The following CDKL3 variants were observed in gnomAD, a reference collection of about 807,000 sequenced individuals.
CDKL3 encodes the protein cyclin-dependent kinase-like 3.
In CDKL3, 65 loss-of-function variants were observed where a neutral mutation model predicts 69.3. The observed-to-expected ratio is 0.94, with a 90% confidence interval of 0.77 to 1.15. The LOEUF (loss-of-function observed/expected upper bound fraction) is 1.15, where lower values mean the gene tolerates loss of function less well. CDKL3 is among the 50% of genes most tolerant of loss of function. The pLI is 0.00. For missense variants in CDKL3, 652 were observed against 689.2 expected, an observed-to-expected ratio of 0.95 and a Z score of 0.61; for synonymous variants, 202 against 221.6, an observed-to-expected ratio of 0.91 and a Z score of 0.79.
In CDKL3 at chr5:134,305,555, G is replaced by A. The variant is rs1367807740; in HGVS notation, c.1459-988C>T. ...TTGTAAACACTGGGAAAACCCAAAG[G>A]AAAAAATGTATTGCACATCCAGCAT... On this transcript the variant is annotated intron_variant, in intron 10 of 12. Coordinates refer to ENST00000265334, the MANE Select transcript of CDKL3 (RefSeq NM_001113575.2). Among the ~76,000 whole-genome samples, 8 of 152,082 alleles carry A rather than the reference G, an allele frequency of 5.3e-5. No individual in the cohort carries two copies. In the East Asian group the frequency reaches 1.5e-3, roughly 29 times the overall value.
At chr5:134,315,246 A>C (rs1238971926) in intron 6 of CDKL3, among the ~76,000 whole-genome samples, 1 of 152,204 alleles carries the variant, frequency 6.6e-6, no homozygotes, top group Non-Finnish European at 1.5e-5. Context: ...TTTTGCAAAC[A>C]TATTGCAAAA....
chr5:134,310,425 C>T (rs1306745036), intron 7 of CDKL3, among the ~76,000 whole-genome samples: 2 of 150,568 alleles, frequency 1.3e-5, no homozygotes, highest in African/African-American at 2.4e-5. Flanking sequence ...CTCCTGACCT[C>T]GTGATCTGCC....
intron 3 of CDKL3, among the ~76,000 whole-genome samples, chr5:134,358,393 TCTA>T (rs1275149255): frequency 6.6e-6 from 1 of 152,206 alleles, no homozygotes; most frequent in African/African-American, 2.4e-5. Context: ...TTGGAAGTCT[TCTA>T]CTGTCAGTTT....
At chr5:134,288,715 C>T (rs1764987590) in intron 8 of CDKL3, among the ~76,000 whole-genome samples, 1 of 152,180 alleles carries the variant, frequency 6.6e-6, no homozygotes, top group Non-Finnish European at 1.5e-5. Flanking sequence ...TTCATCACTA[C>T]AAACCCACTG....
At chr5:134,286,810 A>G (rs1041803054) in intron 8 of CDKL3, among the ~76,000 whole-genome samples, 1 of 152,198 alleles carries the variant, frequency 6.6e-6, no homozygotes, top group African/African-American at 2.4e-5. Flanking sequence ...ACCTCCCACC[A>G]GGTCCCTCCT....
intron 3 of CDKL3, among the ~76,000 whole-genome samples, chr5:134,355,767 C>T (rs940282888): frequency 2.0e-4 from 31 of 152,260 alleles, no homozygotes; most frequent in African/African-American, 7.2e-4. Flanking sequence ...TCTCATTCTG[C>T]GGTATTTCCT....
intron 12 of CDKL3, among the ~76,000 whole-genome samples, chr5:134,300,644 A>T (rs1414281952): frequency 6.6e-6 from 1 of 152,146 alleles, no homozygotes; most frequent in Non-Finnish European, 1.5e-5. Flanking sequence ...TATAATCAAC[A>T]CTGATGACTT....
chr5:134,321,804 A>C lies in CDKL3; in HGVS notation c.639T>G (p.Ile213Met). 6.3e-7 allele frequency: 1 copy of C among 1,592,322 alleles called. No homozygotes were observed. Residue 213 changes from isoleucine (I) to methionine (M), a missense_variant, in exon 5 of 13, where the codon ATT becomes ATG. Transcript: ENST00000265334. Reference protein sequence around the residue: ...SSSDLDLLHKIVLKVGNLSPH... With the variant: ...SSSDLDLLHKMVLKVGNLSPH... ...AGTAATACCTACCCACTTTCAAAACAATTTTATGGAGTAAATCCAAATCAG... is the reference window on the plus strand; with the variant it reads ...AGTAATACCTACCCACTTTCAAAACCATTTTATGGAGTAAATCCAAATCAG...
intron 4 of CDKL3, 113 bp downstream of exon 4, chr5:134,350,136 C>A (rs963162414): frequency 3.9e-6 from 3 of 778,106 alleles, no homozygotes; most frequent in Non-Finnish European, 3.9e-6. Flanking sequence ...TGCAGTGAGC[C>A]AAGATTGCAC....
chr5:134,284,139 T>C (rs1430657604), downstream of CDKL3, among the ~76,000 whole-genome samples: 1 of 152,114 alleles, frequency 6.6e-6, no homozygotes, highest in Non-Finnish European at 1.5e-5. Flanking sequence ...AGGCACACAG[T>C]GCAAGCAGTC....
In CDKL3 at chr5:134,347,452, C is replaced by T. The variant is rs1170935859; in HGVS notation, c.539+2797G>A. ...TCCATACAAAAACAAGTTACACGGACACCCATAGCAGCATTACCCATAATA... is the reference window on the plus strand; with the variant it reads ...TCCATACAAAAACAAGTTACACGGATACCCATAGCAGCATTACCCATAATA... On this transcript the variant is annotated intron_variant, in intron 4 of 12. Transcript: ENST00000265334. Among the ~76,000 whole-genome samples the T allele has an allele frequency of 5.3e-5, 8 of 152,004 alleles. No individual in the cohort carries two copies. In the East Asian group the frequency reaches 1.3e-3, roughly 26 times the overall value.
downstream of CDKL3, among the ~76,000 whole-genome samples, chr5:134,284,831 T>C (rs774450777): frequency 1.3e-5 from 2 of 152,234 alleles, no homozygotes; most frequent in Non-Finnish European, 2.9e-5. Flanking sequence ...TCAGACCTTA[T>C]GGTTATCTCC....
intron 12 of CDKL3, among the ~76,000 whole-genome samples, 177 bp from the exon 13 acceptor site, chr5:134,298,887 G>T (rs532773475): frequency 6.6e-6 from 1 of 151,738 alleles, no homozygotes; most frequent in East Asian, 1.9e-4. Context: ...TTTTGCGGGG[G>T]GCAGCGGGAT....
At chr5:134,306,186 T>C (rs1017400538) in intron 10 of CDKL3, among the ~76,000 whole-genome samples, 1 of 152,032 alleles carries the variant, frequency 6.6e-6, no homozygotes, top group African/African-American at 2.4e-5. Context: ...AAAAAGAAAC[T>C]TAAAGCACAT....
rs1227615962 is a variant in CDKL3, at chr5:134,319,358, A to T, written c.792T>A (p.His264Gln). 6.6e-7 allele frequency: 1 copy of T among 1,508,254 alleles called. No homozygotes were observed. Among genetic ancestry groups the T allele is most frequent in the Non-Finnish European group, 8.8e-7 (1 of 1,133,960 alleles). 93.4% of individuals were successfully genotyped at this position (1,508,254 alleles called of 1,614,324 possible). A position where few individuals can be genotyped will look rare whatever the true frequency, so the allele number is the denominator to read the frequency against. ...GGGAGGAAAAAAAAAAAAAACATAC[A>T]TGAACTATATCTGCCAACAATCCAT... ...KLNGLLADIV[H>Q]ACLQIDPADR... is the part of the protein sequence containing the mutation. Residue 264 changes from histidine (H) to glutamine (Q), a missense_variant and splice_region_variant, in exon 6 of 13, where the codon CAT becomes CAA. His to Gln is a conservative substitution (Grantham distance 24). Coordinates refer to ENST00000265334, the MANE Select transcript of CDKL3 (RefSeq NM_001113575.2).
At chr5:134,367,762 A>G (rs1446007873), upstream of CDKL3, among the ~76,000 whole-genome samples, 1 of 152,246 alleles carries the variant, frequency 6.6e-6, no homozygotes, top group African/African-American at 2.4e-5. Flanking sequence ...TTTTAAAGAA[A>G]AAAAACCTCC....
chr5:134,346,484 A>G (rs1031502489), intron 4 of CDKL3, among the ~76,000 whole-genome samples: 1 of 152,174 alleles, frequency 6.6e-6, no homozygotes, highest in Non-Finnish European at 1.5e-5. Flanking sequence ...TGTTACAGGT[A>G]GGGAAAAGGT....
intron 8 of CDKL3, among the ~76,000 whole-genome samples, chr5:134,288,729 C>T (rs1420389630): frequency 6.6e-6 from 1 of 152,126 alleles, no homozygotes; most frequent in Non-Finnish European, 1.5e-5. Flanking sequence ...CCCACTGTGT[C>T]CTGTGTGTGT....
chr5:134,287,356 G>C (rs1016372257), intron 8 of CDKL3, among the ~76,000 whole-genome samples: 3 of 152,068 alleles, frequency 2.0e-5, no homozygotes, highest in African/African-American at 7.2e-5. Context: ...ATTCTTCAAG[G>C]GGTGTTAAAC....
Sources: allele counts gnomAD v4.1 joint callset (sites outside exome capture counted in the v4.1 genomes callset), GRCh38; gene constraint gnomAD v4.1.1; transcripts MANE v1.5; gene names NCBI Gene and HGNC (gene_info 2026-07-23, HGNC 2026-07-21).